The following PTPRD variants were observed in gnomAD, a reference collection of about 807,000 sequenced individuals.
PTPRD encodes the protein protein tyrosine phosphatase receptor type D.
In PTPRD, 34 loss-of-function variants were observed where a neutral mutation model predicts 214.5. That is an observed-to-expected ratio of 0.16 (90% CI 0.12 to 0.21). The LOEUF is 0.21. PTPRD is among the 10% of genes least tolerant of loss of function. The pLI, the probability that PTPRD is intolerant of heterozygous loss-of-function variation, is 1.00. For synonymous variants in PTPRD, 1,128 were observed against 845.7 expected (o/e 1.33, Z -5.79); for missense variants, 2,545 against 2,398.7 (o/e 1.06, Z -1.27).
At chr9:8,863,739 C>T (rs2098146760) in intron 11 of PTPRD, among the ~76,000 whole-genome samples, 1 of 152,106 alleles carries the variant, frequency 6.6e-6, no homozygotes, top group Non-Finnish European at 1.5e-5. Context: ...GGTATAAACA[C>T]ATTTCTGTCA....
Position 10,150,274 on chromosome 9 carries a change from A to G in PTPRD, c.-544-116484T>C, listed in dbSNP as rs140442954. Among the ~76,000 whole-genome samples, 891 of 152,330 alleles carry G rather than the reference A, an allele frequency of 5.8e-3. 10 individuals carry two copies. Among genetic ancestry groups the G allele is most frequent in the African/African-American group, 0.017 (692 of 41,572 alleles). On this transcript the variant is annotated intron_variant, in intron 3 of 45. Coordinates refer to ENST00000381196, the MANE Select transcript of PTPRD (RefSeq NM_002839.4). ...TTGGAACCAACCCAAATGTCCATCAATGATAGACTGGATTAAGAAAGTGTG... is the reference window on the plus strand; with the variant it reads ...TTGGAACCAACCCAAATGTCCATCAGTGATAGACTGGATTAAGAAAGTGTG...
chr9:9,108,383 T>C (rs1289414118), intron 10 of PTPRD, among the ~76,000 whole-genome samples: 1 of 152,146 alleles, frequency 6.6e-6, no homozygotes, highest in African/African-American at 2.4e-5. Flanking sequence ...ACATGAGCGG[T>C]TGCATTAGTT....
chr9:9,399,372 T>C (rs532622408), intron 8 of PTPRD, among the ~76,000 whole-genome samples: 162 of 152,106 alleles, frequency 1.1e-3, no homozygotes, highest in Admixed American at 2.0e-3. Flanking sequence ...CTGGTTCTCA[T>C]CATAGGAGGA....
At position 9,261,783 on chromosome 9, in the gene PTPRD, G is replaced by A. The variant is rs2099980239; in HGVS notation, c.-202-78420C>T. Reference sequence around the variant, plus strand: ...AAAAGTCTAGCTATATCTGTTTTTGGCTAAGTGTGGCTCCTTCGTTATTTC... The same window carrying A: ...AAAAGTCTAGCTATATCTGTTTTTGACTAAGTGTGGCTCCTTCGTTATTTC... On this transcript the variant is annotated intron_variant, in intron 9 of 45. Transcript: ENST00000381196. Among the ~76,000 whole-genome samples the A allele has an allele frequency of 2.0e-5, 3 of 151,620 alleles. No homozygotes were observed. The South Asian group carries it at 6.2e-4, about 31-fold the overall frequency.
At chr9:9,751,849 A>C (rs1016366976) in intron 6 of PTPRD, among the ~76,000 whole-genome samples, 1 of 152,130 alleles carries the variant, frequency 6.6e-6, no homozygotes, top group Admixed American at 6.6e-5. Flanking sequence ...GAAAACTGAC[A>C]CACTACTCAA....
chr9:8,726,591 ATATATATATATATAT>A lies in PTPRD; in HGVS notation c.64+7174_64+7188del, dbSNP rs2098569510. Among the ~76,000 whole-genome samples, 53 of 11,636 alleles carry A rather than the reference ATATATATATATATAT, an allele frequency of 4.6e-3. 17 individuals carry two copies. Among genetic ancestry groups the A allele is most frequent in the African/African-American group, 0.02 (40 of 1,968 alleles). The allele number at this position is 11,636 out of a possible 152,430, so 7.6% of individuals were successfully genotyped here. ...TACTAAAAAAAAAAAAAAAAAAAAT[ATATATATATATATAT>A]ATATATATATATATATATATATATA... On this transcript the variant is annotated intron_variant, in intron 12 of 45. Coordinates refer to ENST00000381196, the MANE Select transcript of PTPRD (RefSeq NM_002839.4).
chr9:9,964,921 A>AT (rs1039002125), intron 4 of PTPRD, among the ~76,000 whole-genome samples: 58 of 152,226 alleles, frequency 3.8e-4, no homozygotes, highest in African/African-American at 1.3e-3. Context: ...AAATAAACTT[A>AT]TTTTTGTCCT....
At chr9:10,007,201 T>G (rs144581066) in intron 4 of PTPRD, among the ~76,000 whole-genome samples, 461 of 152,182 alleles carry the variant, frequency 3.0e-3, no homozygotes, top group African/African-American at 0.011. Context: ...CTAAACTATA[T>G]AAACCTTTAG....
intron 11 of PTPRD, among the ~76,000 whole-genome samples, chr9:8,841,221 C>A (rs2097551081): frequency 1.3e-5 from 2 of 152,102 alleles, no homozygotes; most frequent in South Asian, 4.1e-4. Context: ...TATACATAAG[C>A]ACAATTAAAA....
At chr9:9,718,016 C>T (rs1287577028) in intron 7 of PTPRD, among the ~76,000 whole-genome samples, 3 of 152,118 alleles carry the variant, frequency 2.0e-5, no homozygotes, top group Non-Finnish European at 4.4e-5. Context: ...ACAAAATTTC[C>T]TTACCTACTG....
intron 8 of PTPRD, among the ~76,000 whole-genome samples, chr9:9,551,721 C>T (rs1276383413): frequency 6.6e-6 from 1 of 151,884 alleles, no homozygotes. Context: ...TGCATATAGC[C>T]TGGGATAAAA....
chr9:8,859,922 C>T (rs2098067284), intron 11 of PTPRD: 1 of 151,956 alleles, frequency 6.6e-6, no homozygotes, highest in Non-Finnish European at 1.5e-5. Flanking sequence ...AGCCTTCAAA[C>T]GAGGTTTACC....
chr9:9,102,385 G>A lies in PTPRD; in HGVS notation c.-143+80919C>T, dbSNP rs181072041. 1.5e-3 allele frequency among the ~76,000 whole-genome samples: 221 copies of A among 152,312 alleles called. 2 individuals carry two copies. The highest frequency in any genetic ancestry group is 5.1e-3 in the African/African-American group (214 of 41,578). On this transcript the variant is annotated intron_variant, in intron 10 of 45. Transcript: ENST00000381196. ...TGATCTAAACAGAAGAAAATGGCCA[G>A]TTTGAGCCATTGAACCAGAATCACG...
intron 11 of PTPRD, among the ~76,000 whole-genome samples, chr9:8,949,411 T>A (rs780631387): frequency 6.6e-6 from 1 of 152,068 alleles, no homozygotes; most frequent in Non-Finnish European, 1.5e-5. Flanking sequence ...CTTTACTGCT[T>A]GGTTCATAGC....
chr9:9,507,716 G>T (rs1172528108), intron 8 of PTPRD, among the ~76,000 whole-genome samples: 2 of 151,346 alleles, frequency 1.3e-5, no homozygotes, highest in Non-Finnish European at 3.0e-5. Flanking sequence ...TTGTAGTGTT[G>T]TTATAATGTA....
In PTPRD at chr9:10,280,334, G is replaced by A. The variant is rs937698500; in HGVS notation, c.-545+60629C>T. Among the ~76,000 whole-genome samples, 77 of 146,690 alleles carry A rather than the reference G, an allele frequency of 5.2e-4. 1 individual carries two copies. The highest frequency in any genetic ancestry group is 9.6e-4 in the Non-Finnish European group (65 of 67,774). ...ACAGGATGAGAAGTAGATGAAGTAG[G>A]AGAAAAATATTTAAATACATAAACA... is the stretch of plus-strand genomic sequence containing the variant. On this transcript the variant is annotated intron_variant, in intron 3 of 45. Transcript: ENST00000381196.
At chr9:9,038,552 G>C (rs1221270336) in intron 10 of PTPRD, among the ~76,000 whole-genome samples, 1 of 83,728 alleles carries the variant, frequency 1.2e-5, no homozygotes, top group East Asian at 3.4e-4. Flanking sequence ...TTGTGATAAC[G>C]GTTTTTTTTT....
chr9:9,757,368 C>T (rs1480471252), intron 6 of PTPRD, among the ~76,000 whole-genome samples: 1 of 152,124 alleles, frequency 6.6e-6, no homozygotes, highest in Non-Finnish European at 1.5e-5. Flanking sequence ...CAATTTTTAA[C>T]ACAGCAGCTT....
chr9:8,722,118 T>C (rs2098505722), intron 12 of PTPRD, among the ~76,000 whole-genome samples: 1 of 131,268 alleles, frequency 7.6e-6, no homozygotes, highest in Non-Finnish European at 1.6e-5. Context: ...ACATTAAGTA[T>C]TACTCTGTGT....
Sources: allele counts gnomAD v4.1 joint callset (sites outside exome capture counted in the v4.1 genomes callset), GRCh38; gene constraint gnomAD v4.1.1; transcripts MANE v1.5; gene names NCBI Gene and HGNC (gene_info 2026-07-23, HGNC 2026-07-21).